The following FASTKD2 variants were observed in gnomAD, a reference collection of about 807,000 sequenced individuals.
FASTKD2 encodes the protein FAST kinase domains 2, also known as FAST kinase domain-containing protein 2, mitochondrial.
A neutral mutation model predicts 63.6 loss-of-function variants in FASTKD2; 51 were observed. The observed-to-expected ratio is 0.80, with a 90% CI of 0.64 to 1.01. The LOEUF (loss-of-function observed/expected upper bound fraction) is 1.01. FASTKD2 is among the 50% of genes least tolerant of loss of function. FASTKD2 has a pLI of 0.00. For synonymous variants in FASTKD2, 284 were observed against 293.4 expected, an observed-to-expected ratio of 0.97 and a Z score of 0.33; for missense variants, 786 against 831.1, an observed-to-expected ratio of 0.95 and a Z score of 0.67.
rs962518922 is a variant in FASTKD2, at chr2:206,770,315, G to T, written c.881+121G>T. The stretch of plus-strand genomic sequence containing the variant: ...GGGGAGGAGGGGTTGGGGAGGCTTT[G>T]TTGGTAGTTACAGTCTTTCATACCT... On this transcript the variant is annotated intron_variant, in intron 3 of 11. Transcript: ENST00000402774. 1.1e-5 allele frequency: 8 copies of T among 732,788 alleles called. No homozygotes were observed. In the South Asian group the frequency reaches 1.2e-4, roughly 11 times the overall value. The allele number at this position is 732,788 out of a possible 1,614,324, so 45.4% of individuals were successfully genotyped here.
In FASTKD2 at chr2:206,766,775, C is replaced by T. The variant is rs750173012; in HGVS notation, c.82C>T (p.Leu28Phe). Reference protein sequence around the residue: ...NNKAGSFFWNLRQFSTLVSTS... With the variant: ...NNKAGSFFWNFRQFSTLVSTS... ...CAAAGCGGGCTCCTTTTTCTGGAAC[C>T]TTAGACAATTCAGTACATTAGTTTC... The change falls in exon 2 of 12, where the codon CTT (leucine) becomes TTT (phenylalanine). Residue 28 changes from leucine to phenylalanine, a missense_variant. Transcript: ENST00000402774. The T allele has an allele frequency of 1.2e-6, 2 of 1,613,828 alleles. No individual in the cohort carries two copies. The highest frequency in any genetic ancestry group is 2.2e-5 in the South Asian group (2 of 91,044).
At chr2:206,782,426 CCTT>C (rs1365857615) in intron 7 of FASTKD2, among the ~76,000 whole-genome samples, 1 of 152,186 alleles carries the variant, frequency 6.6e-6, no homozygotes, top group Non-Finnish European at 1.5e-5. Flanking sequence ...GAGAACTGGA[CCTT>C]CTTCTAGTTC....
In FASTKD2 at chr2:206,772,184, A is replaced by G. The variant is rs1410749008; in HGVS notation, c.1118A>G (p.Asn373Ser). 2 of 1,611,814 alleles carry G rather than the reference A, an allele frequency of 1.2e-6. No individual in the cohort carries two copies. The change falls in exon 6 of 12, where the codon AAT becomes AGT. Residue 373 changes from asparagine to serine, a missense_variant. Asn to Ser is a conservative substitution (Grantham distance 46). Coordinates refer to ENST00000402774, the MANE Select transcript of FASTKD2 (RefSeq NM_001136193.2). ...LDECSKVVLD[N>S]IHGCPLRIMI... ...TTTATTTAACTCATTCTTCAAGATAATATCCATGGGTGTCCTTTAAGAATA... is the reference window on the plus strand; with the variant it reads ...TTTATTTAACTCATTCTTCAAGATAGTATCCATGGGTGTCCTTTAAGAATA...
At chr2:206,780,547 G>C (rs1300825327) in intron 7 of FASTKD2, among the ~76,000 whole-genome samples, 2 of 152,024 alleles carry the variant, frequency 1.3e-5, no homozygotes, top group Admixed American at 6.6e-5. Context: ...AGTTCTTTTT[G>C]TTTTTGAATT....
At position 206,770,193 on chromosome 2, in the gene FASTKD2, A is replaced by C. The variant is rs771124970; in HGVS notation, c.880A>C (p.Arg294=). The change falls in exon 3 of 12, where the codon AGA becomes CGA. Residue 294 remains arginine (R), a splice_region_variant and synonymous_variant. Coordinates refer to ENST00000402774, the MANE Select transcript of FASTKD2 (RefSeq NM_001136193.2). ...TGTTCATGTTCTACGAACGGGATTC[A>C]GGTGAGAACTCTCTTATGCTTTCTT... ...KNVHVLRTGF[R]ILVDQQVWKI... is the part of the protein sequence containing the mutation. 17 of 1,556,494 alleles carry C rather than the reference A, an allele frequency of 1.1e-5. No individual in the cohort carries two copies. The highest frequency in any genetic ancestry group is 1.7e-4 in the Middle Eastern group (1 of 5,980).
In FASTKD2 at chr2:206,795,570, G is replaced by C. The variant is rs973226848; in HGVS notation, c.*3768G>C. Among the ~76,000 whole-genome samples, 1 of 152,090 alleles carries C rather than the reference G, an allele frequency of 6.6e-6. No individual in the cohort carries two copies. The highest frequency in any genetic ancestry group is 6.5e-5 in the Admixed American group (1 of 15,272). ...CTCTTAACACACTTGTAACCCATTT[G>C]TGCACACAGGTGTGCCGTGACTCAC... On this transcript the variant is annotated 3_prime_UTR_variant, in exon 12 of 12. Transcript: ENST00000402774.
Position 206,774,544 on chromosome 2 carries a change from T to G in FASTKD2, c.1427+147T>G, listed in dbSNP as rs1053220128. 8 of 628,308 alleles carry G rather than the reference T, an allele frequency of 1.3e-5. No individual in the cohort carries two copies. The Admixed American group carries it at 2.5e-4, about 20-fold the overall frequency. The allele number at this position is 628,308 out of a possible 1,614,324, so 38.9% of individuals were successfully genotyped here. A position where few individuals can be genotyped will look rare whatever the true frequency, so the allele number is the denominator to read the frequency against. On this transcript the variant is annotated intron_variant, in intron 7 of 11. Coordinates refer to ENST00000402774, the MANE Select transcript of FASTKD2 (RefSeq NM_001136193.2). ...ATAAAACATAGTGTTCCTTACTCAT[T>G]TATAAGGTTAAACAAAATTTTGTTT...
rs993454010 is a variant in FASTKD2 at position 206,794,840 on chromosome 2, A to T, written c.*3038A>T. 5.3e-5 allele frequency among the ~76,000 whole-genome samples: 8 copies of T among 152,208 alleles called. No individual in the cohort carries two copies. Among genetic ancestry groups the T allele is most frequent in the Non-Finnish European group, 1.2e-4 (8 of 68,042 alleles). On this transcript the variant is annotated 3_prime_UTR_variant, in exon 12 of 12. Transcript: ENST00000402774. ...AATGTCATGTGTTGTGAGGGTAGTC[A>T]CCCTGCAACTGGCTTGGACATCTCT...
intron 7 of FASTKD2, among the ~76,000 whole-genome samples, chr2:206,785,633 A>G (rs1202191698): frequency 1.3e-5 from 2 of 152,158 alleles, no homozygotes; most frequent in Non-Finnish European, 2.9e-5. Context: ...TGTCCACACC[A>G]TCCCCTGCCC....
At chr2:206,772,107 GA>G in intron 5 of FASTKD2, 73 bp from the exon 6 acceptor site, 2 of 1,591,528 alleles carry the variant, frequency 1.3e-6, no homozygotes, top group South Asian at 2.2e-5. Context: ...GCTTTTATAT[GA>G]AAAAAGAATA....
intron 7 of FASTKD2, among the ~76,000 whole-genome samples, chr2:206,782,575 T>C (rs1260901000): frequency 6.6e-6 from 1 of 152,242 alleles, no homozygotes; most frequent in Admixed American, 6.5e-5. Flanking sequence ...CTCTGCTTTC[T>C]ACCCAGAACA....
Position 206,774,304 on chromosome 2 carries a change from T to C in FASTKD2, c.1334T>C (p.Val445Ala). The C allele has an allele frequency of 6.2e-7, 1 of 1,604,682 alleles. No homozygotes were observed. Among genetic ancestry groups the C allele is most frequent in the Non-Finnish European group, 8.5e-7 (1 of 1,171,864 alleles). ...ATGGACCTGTTTATGAAGAGAATAG[T>C]AGAGGATCCTGAATCCCTAAACATG... ...GLMDLFMKRI[V>A]EDPESLNMKN... Residue 445 changes from valine (V) to alanine (A), a missense_variant, in exon 7 of 12, where the codon GTA (valine) becomes GCA (alanine). Val to Ala is a moderately conservative substitution (Grantham distance 64). Transcript: ENST00000402774.
Position 206,793,518 on chromosome 2 carries a change from A to G in FASTKD2, c.*1716A>G, listed in dbSNP as rs968012351. ...TCTGGTTCCAGATTGGACAACCTCT[A>G]GTTTTGTATACTTGGCCAAGTGATT... On this transcript the variant is annotated 3_prime_UTR_variant, in exon 12 of 12. Transcript: ENST00000402774. Among the ~76,000 whole-genome samples the G allele has an allele frequency of 3.9e-5, 6 of 152,074 alleles. No individual in the cohort carries two copies. The highest frequency in any genetic ancestry group is 8.8e-5 in the Non-Finnish European group (6 of 68,018).
At chr2:206,771,847 A>T in intron 4 of FASTKD2, 47 bp from the exon 5 acceptor site, 1 of 1,444,442 alleles carries the variant, frequency 6.9e-7, no homozygotes, top group Non-Finnish European at 9.7e-7. Flanking sequence ...AGTTTAATTT[A>T]TTTTGTCACA....
chr2:206,789,917 C>T (rs937175355), intron 10 of FASTKD2: 1 of 152,040 alleles, frequency 6.6e-6, no homozygotes, highest in Non-Finnish European at 1.5e-5. Flanking sequence ...CCTTTAAAAA[C>T]ATAAAATTTG....
At chr2:206,769,319 TTG>T (rs1273920264) in intron 2 of FASTKD2, among the ~76,000 whole-genome samples, 1 of 152,222 alleles carries the variant, frequency 6.6e-6, no homozygotes, top group East Asian at 1.9e-4. Context: ...ACTTAAGACT[TTG>T]TGATTCATTG....
intron 11 of FASTKD2, 113 bp downstream of exon 11, chr2:206,790,799 A>G (rs1417425120): frequency 5.3e-6 from 4 of 758,214 alleles, no homozygotes; most frequent in Non-Finnish European, 9.6e-6. Flanking sequence ...TGTCAGCATT[A>G]TTGGAATGAG....
chr2:206,782,675 G>A (rs1236797072), intron 7 of FASTKD2, among the ~76,000 whole-genome samples: 1 of 152,206 alleles, frequency 6.6e-6, no homozygotes, highest in Non-Finnish European at 1.5e-5. Context: ...TTAAAAGCAT[G>A]GACTCTAGAG....
At chr2:206,770,021 G>A (rs1159432692) in intron 2 of FASTKD2, 70 bp from the exon 3 acceptor site, 7 of 961,224 alleles carry the variant, frequency 7.3e-6, no homozygotes, top group African/African-American at 1.6e-5. Flanking sequence ...CAGTTCAGTG[G>A]TTTTGCTTGG....
Sources: allele counts gnomAD v4.1 joint callset (sites outside exome capture counted in the v4.1 genomes callset), GRCh38; gene constraint gnomAD v4.1.1; transcripts MANE v1.5; gene names NCBI Gene and HGNC (gene_info 2026-07-23, HGNC 2026-07-21).